DKK3: variants seen among roughly 807,000 people sequenced by gnomAD.
DKK3 encodes dickkopf Wnt signaling pathway inhibitor 3.
DKK3 carries 22 observed loss-of-function variants against 33.2 expected under a neutral mutation model. The observed-to-expected ratio is 0.66, with a 90% CI of 0.47 to 0.95. DKK3 has a LOEUF of 0.95. DKK3 is among the 40% of genes least tolerant of loss of function. DKK3 has a pLI of 0.00. For synonymous variants in DKK3, 194 were observed against 188.8 expected, an observed-to-expected ratio of 1.03 and a Z score of -0.23; for missense variants, 398 against 458.4, an observed-to-expected ratio of 0.87 and a Z score of 1.20.
rs114052915 is a variant in DKK3 at position 12,003,085 on chromosome 11, C to G, written c.214-648G>C. Among the ~76,000 whole-genome samples the G allele has an allele frequency of 3.8e-3, 586 of 152,364 alleles. 5 individuals are homozygous for G. The highest frequency in any genetic ancestry group is 0.013 in the African/African-American group (539 of 41,584). On this transcript the variant is annotated intron_variant, in intron 1 of 6. Coordinates refer to ENST00000683431, the MANE Select transcript of DKK3 (RefSeq NM_001018057.2). ...GAGCCCTAGATGCCCGCAGCAGTAACCTGCTTGCAGGCATACCGTTGATTG... is the reference window on the plus strand; with the variant it reads ...GAGCCCTAGATGCCCGCAGCAGTAAGCTGCTTGCAGGCATACCGTTGATTG...
intron 3 of DKK3, among the ~76,000 whole-genome samples, chr11:11,975,921 T>C (rs1177157237): frequency 6.6e-6 from 1 of 152,220 alleles, no homozygotes; most frequent in East Asian, 1.9e-4. Flanking sequence ...CTAGGTGATC[T>C]TGGCCTAATT....
At chr11:11,978,674 C>A (rs1847891645) in intron 3 of DKK3, among the ~76,000 whole-genome samples, 1 of 152,092 alleles carries the variant, frequency 6.6e-6, no homozygotes, top group Non-Finnish European at 1.5e-5. Flanking sequence ...CAACCATGCT[C>A]AGGTGCAGCT....
intron 3 of DKK3, among the ~76,000 whole-genome samples, chr11:11,991,453 C>T (rs1423218987): frequency 1.3e-5 from 2 of 152,128 alleles, no homozygotes; most frequent in African/African-American, 4.8e-5. Flanking sequence ...GACATAGTGG[C>T]TCATGCCTAT....
chr11:11,980,335 C>T (rs1847929166), intron 3 of DKK3, among the ~76,000 whole-genome samples: 2 of 152,210 alleles, frequency 1.3e-5, no homozygotes, highest in African/African-American at 2.4e-5. Context: ...ATCTGCAGGG[C>T]TTACGGGTTC....
intron 1 of DKK3, among the ~76,000 whole-genome samples, chr11:12,005,655 A>G (rs1848522680): frequency 6.6e-6 from 1 of 152,212 alleles, no homozygotes; most frequent in Non-Finnish European, 1.5e-5. Flanking sequence ...CAGCTGGAAC[A>G]TTGAAAATGC....
chr11:11,993,670 G>A (rs1352376569), intron 3 of DKK3, among the ~76,000 whole-genome samples: 1 of 152,120 alleles, frequency 6.6e-6, no homozygotes, highest in Non-Finnish European at 1.5e-5. Flanking sequence ...TTTTCCTACT[G>A]AATAATGCAA....
At chr11:11,968,643 C>A in intron 3 of DKK3, 156 bp from the exon 4 acceptor site, 1 of 598,828 alleles carries the variant, frequency 1.7e-6, no homozygotes, top group South Asian at 2.4e-5. Flanking sequence ...GCTCCTGATC[C>A]CTGCCTGGCT....
chr11:12,005,422 T>C (rs1052775818), intron 1 of DKK3, among the ~76,000 whole-genome samples: 1 of 152,162 alleles, frequency 6.6e-6, no homozygotes, highest in African/African-American at 2.4e-5. Context: ...GGTGAGGCAG[T>C]AAGAACATTC....
At chr11:11,975,257 G>A (rs1847809147) in intron 3 of DKK3, among the ~76,000 whole-genome samples, 1 of 152,216 alleles carries the variant, frequency 6.6e-6, no homozygotes. Flanking sequence ...CTGTTCCTAA[G>A]CCTTCAGCAT....
At chr11:12,008,716 G>C, upstream of DKK3, 3 of 1,056,982 alleles carry the variant, frequency 2.8e-6, no homozygotes, top group Non-Finnish European at 3.3e-6. The surrounding 1 kb of genome is among the most constrained non-coding windows in gnomAD (Gnocchi z 4.6). Context: ...CCTCTTTCCC[G>C]CACCCGCCCG....
chr11:11,987,980 C>G (rs1462889866), intron 3 of DKK3, among the ~76,000 whole-genome samples: 1 of 152,198 alleles, frequency 6.6e-6, no homozygotes, highest in East Asian at 1.9e-4. Flanking sequence ...CTATTAAACA[C>G]CATTCTCCAG....
At chr11:11,978,087 G>C (rs570097473) in intron 3 of DKK3, among the ~76,000 whole-genome samples, 6 of 152,276 alleles carry the variant, frequency 3.9e-5, no homozygotes, top group Middle Eastern at 3.4e-3. Context: ...ATTCTATAGG[G>C]TGTCTTGTAT....
intron 4 of DKK3, among the ~76,000 whole-genome samples, chr11:11,967,594 G>C (rs1247135042): frequency 6.6e-6 from 1 of 152,224 alleles, no homozygotes; most frequent in East Asian, 1.9e-4. Flanking sequence ...GTACCGAGTG[G>C]GGTTGGCTGC....
chr11:11,978,601 A>G (rs1847890682), intron 3 of DKK3, among the ~76,000 whole-genome samples: 1 of 151,702 alleles, frequency 6.6e-6, no homozygotes, highest in African/African-American at 2.4e-5. Flanking sequence ...CTGGCCTTGA[A>G]TTCCTGGCTT....
At chr11:12,009,506 C>G, upstream of DKK3, 7 of 936,150 alleles carry the variant, frequency 7.5e-6, no homozygotes, top group Non-Finnish European at 7.6e-6. Context: ...CAGCGACCAG[C>G]TCTACCGAAG....
chr11:11,992,496 A>T (rs1308906049), intron 3 of DKK3, among the ~76,000 whole-genome samples: 1 of 152,046 alleles, frequency 6.6e-6, no homozygotes, highest in Non-Finnish European at 1.5e-5. Context: ...ACCCTCTGTG[A>T]CTCAGCCCAT....
chr11:11,984,787 G>T (rs971102407), intron 3 of DKK3, among the ~76,000 whole-genome samples: 1 of 152,098 alleles, frequency 6.6e-6, no homozygotes, highest in South Asian at 2.1e-4. Flanking sequence ...GGGGGACGGC[G>T]CCTGGGATTC....
At chr11:11,979,025 A>C (rs969677469) in intron 3 of DKK3, 1 of 152,302 alleles carries the variant, frequency 6.6e-6, no homozygotes, top group Non-Finnish European at 1.5e-5. Flanking sequence ...AAAGATGGCC[A>C]GGCTGAGTAT....
chr11:11,994,599 C>T (rs552661345), intron 3 of DKK3: 3 of 152,236 alleles, frequency 2.0e-5, no homozygotes, highest in African/African-American at 7.2e-5. Flanking sequence ...CATAAGCCCC[C>T]AGCGATTCCT....
Sources: gnomAD v4.1 joint callset for allele counts (sites outside exome capture counted in the v4.1 genomes callset) on GRCh38, gnomAD v4.1.1 for gene constraint, Gnocchi (gnomAD v3.1) non-coding constraint, MANE v1.5 for transcripts, NCBI Gene and HGNC (gene_info 2026-07-23, HGNC 2026-07-21) for gene names.